MYO15B: variants seen among roughly 807,000 people sequenced by gnomAD.
MYO15B encodes myosin XVB pseudogene.
Under a neutral mutation model 119.3 loss-of-function variants are expected in MYO15B, and 207 were observed. That is an observed-to-expected ratio of 1.73 (90% CI 1.55 to 1.95). MYO15B has a LOEUF of 1.95. Among genes scored for constraint, MYO15B ranks in the 30% most tolerant of loss-of-function variants. The probability of loss-of-function intolerance (pLI) is 0.00; values close to 1 mark genes in which losing one functional copy is unlikely to be tolerated. For synonymous variants in MYO15B, 966 were observed against 498.9 expected (o/e 1.94, Z -12.48); for missense variants, 2,264 against 1,203.1 (o/e 1.88, Z -13.04).
chr17:75,602,580 C>A, exon 16 of MYO15B: 1 of 679,500 alleles, frequency 1.5e-6, no homozygotes, highest in Non-Finnish European at 2.7e-6. Flanking sequence ...GATGCTTGGC[C>A]AGAGCCAGCT....
chr17:75,623,059 C>T (rs922702438), intron 53 of MYO15B, among the ~76,000 whole-genome samples: 1 of 152,172 alleles, frequency 6.6e-6, no homozygotes, highest in African/African-American at 2.4e-5. Context: ...GGGCCGGGCG[C>T]GGCGGCTCCC....
intron 32 of MYO15B, 43 bp from the exon 33 acceptor site, chr17:75,614,918 T>C: frequency 1.4e-6 from 1 of 702,962 alleles, no homozygotes; most frequent in South Asian, 1.5e-5. Context: ...CCTTCCATTT[T>C]TCTCAGGGCT....
chr17:75,624,999 C>G, intron 59 of MYO15B, 83 bp downstream of exon 59: 1 of 678,938 alleles, frequency 1.5e-6, no homozygotes, highest in South Asian at 1.6e-5. Context: ...CCTCTCCCCA[C>G]AAGGGTGTGG....
exon 12 of MYO15B, chr17:75,594,894 A>G (rs73366124): frequency 0.016 from 11,022 of 702,952 alleles, 698 homozygotes; most frequent in African/African-American, 0.15. Context: ...TTCTGAGGAG[A>G]ACCAATGCAC....
At chr17:75,606,197 C>G (rs2057637444) in intron 21 of MYO15B, 176 bp downstream of exon 21, 1 of 507,148 alleles carries the variant, frequency 2.0e-6, no homozygotes, top group South Asian at 3.2e-5. Context: ...ACCCGTGCAG[C>G]CTCTGCTTGA....
chr17:75,621,270 C>G (rs2058691136), intron 50 of MYO15B, 75 bp from the exon 51 acceptor site: 1 of 662,038 alleles, frequency 1.5e-6, no homozygotes, highest in Admixed American at 2.1e-5. Flanking sequence ...GCTCTTAGCA[C>G]TCTCCCTGCC....
Position 75,624,934 on chromosome 17 carries a change from C to T in MYO15B, c.8688+18C>T, listed in dbSNP as rs749467369. 1.0e-5 allele frequency: 7 copies of T among 700,742 alleles called. No individual in the cohort carries two copies. Among genetic ancestry groups the T allele is most frequent in the African/African-American group, 5.2e-5 (3 of 57,246 alleles). 43.4% of individuals were successfully genotyped at this position (700,742 alleles called of 1,614,324 possible). ...ACAGCCAGGTCAGCCTGCCTGCCTC[C>T]GAGCTGCTGCTGCAGTTTGAGGGCG... On this transcript the variant is annotated intron_variant, in intron 59 of 63. Transcript: ENST00000645453.
intron 34 of MYO15B, 73 bp from the exon 35 acceptor site, chr17:75,615,430 G>T (rs1318955644): frequency 1.5e-6 from 1 of 676,558 alleles, no homozygotes; most frequent in Non-Finnish European, 2.7e-6. Flanking sequence ...TAGGAGTCCC[G>T]AGTGCACAGT....
chr17:75,608,719 G>A (rs1001288040), intron 21 of MYO15B, among the ~76,000 whole-genome samples: 1 of 144,516 alleles, frequency 6.9e-6, no homozygotes, highest in African/African-American at 2.4e-5. Flanking sequence ...CACCAAGCCC[G>A]GCTAATTTTG....
chr17:75,592,820 A>G (rs1431515296), exon 9 of MYO15B: 1 of 702,416 alleles, frequency 1.4e-6, no homozygotes, highest in Non-Finnish European at 2.6e-6. Context: ...GCTGGGCAAC[A>G]TCTGCTTCTC....
rs1251322483 is a variant in MYO15B, at chr17:75,614,888, C to A, written c.5559+39C>A. 4.3e-6 allele frequency: 3 copies of A among 702,780 alleles called. No homozygotes were observed. The African/African-American group carries it at 5.2e-5, about 12-fold the overall frequency. 43.5% of individuals were successfully genotyped at this position (702,780 alleles called of 1,614,324 possible). On this transcript the variant is annotated intron_variant, in intron 32 of 63. Coordinates refer to ENST00000645453, the Ensembl canonical transcript of MYO15B. ...AGCCCCCAAATGCCCCTGCCCCAAC[C>A]CCCCGGGGCCTCTGCTGCCCCTTCC...
At position 75,618,519 on chromosome 17, in the gene MYO15B, C is replaced by G. The variant is rs570767736; in HGVS notation, c.6987+334C>G. ...AATACAAAAATCAGGCGTGGTGGCA[C>G]GCACCTGTAACCCCAGCTACTTGGG... On this transcript the variant is annotated intron_variant, in intron 43 of 63. Transcript: ENST00000645453. 1.3e-4 allele frequency among the ~76,000 whole-genome samples: 20 copies of G among 152,278 alleles called. No homozygotes were observed. The East Asian group carries it at 3.5e-3, about 26-fold the overall frequency.
chr17:75,595,258 C>T (rs868566648), intron 12 of MYO15B, among the ~76,000 whole-genome samples: 7 of 152,292 alleles, frequency 4.6e-5, no homozygotes, highest in East Asian at 1.9e-4. Flanking sequence ...CTCCAGAGGA[C>T]GATGCCCCTC....
intron 53 of MYO15B, among the ~76,000 whole-genome samples, chr17:75,623,351 G>A (rs918152335): frequency 4.0e-5 from 6 of 151,618 alleles, no homozygotes; most frequent in South Asian, 2.1e-4. Context: ...TGAAAAGGCC[G>A]GGCACGGAGG....
At chr17:75,617,872 G>A (rs1286974133) in exon 42 of MYO15B, 6 of 702,770 alleles carry the variant, frequency 8.5e-6, no homozygotes, top group Middle Eastern at 2.3e-4. Flanking sequence ...CTCTGGCAGC[G>A]TGTGCTTCTC....
At chr17:75,593,531 AC>A (rs1340506982) in intron 9 of MYO15B, among the ~76,000 whole-genome samples, 1 of 151,042 alleles carries the variant, frequency 6.6e-6, no homozygotes, top group Non-Finnish European at 1.5e-5. Context: ...AATTGCTTGA[AC>A]CCGGGAGGTG....
chr17:75,597,188 C>T (rs1465354790), intron 14 of MYO15B, among the ~76,000 whole-genome samples: 1 of 152,198 alleles, frequency 6.6e-6, no homozygotes, highest in Non-Finnish European at 1.5e-5. Context: ...GCCCGATGGG[C>T]AAGGTGGCGG....
At chr17:75,603,007 G>T in intron 17 of MYO15B, 25 bp from the exon 18 acceptor site, 2 of 703,082 alleles carry the variant, frequency 2.8e-6, no homozygotes, top group South Asian at 1.5e-5. Flanking sequence ...GTCTGTGCCC[G>T]AGTGACCCCT....
intron 53 of MYO15B, 124 bp downstream of exon 53, chr17:75,622,204 C>T (rs556983113): frequency 1.3e-5 from 8 of 639,550 alleles, no homozygotes; most frequent in Middle Eastern, 2.5e-4. Context: ...GCACCCATTG[C>T]GTGCAGGGGG....
Sources: gnomAD v4.1 joint callset for allele counts (sites outside exome capture counted in the v4.1 genomes callset) on GRCh38, gnomAD v4.1.1 for gene constraint, MANE v1.5 for transcripts, NCBI Gene and HGNC (gene_info 2026-07-23, HGNC 2026-07-21) for gene names.